Variants in NOL7 observed in about 807,000 individuals in gnomAD.
The protein encoded by NOL7 is nucleolar protein 7.
Under a neutral mutation model 38.4 loss-of-function variants are expected in NOL7, and 36 were observed. That is an observed-to-expected ratio of 0.94 (90% CI 0.72 to 1.24). The LOEUF (loss-of-function observed/expected upper bound fraction) is 1.24, where lower values mean the gene tolerates loss of function less well. NOL7 is among the 50% of genes most tolerant of loss of function. NOL7 has a pLI of 0.00. For synonymous variants in NOL7, 142 were observed against 126.5 expected (o/e 1.12, Z -0.82); for missense variants, 350 against 315.1 (o/e 1.11, Z -0.84).
chr6:13,618,536 C>T (rs1387195263), intron 5 of NOL7, among the ~76,000 whole-genome samples: 3 of 152,236 alleles, frequency 2.0e-5, no homozygotes, highest in Middle Eastern at 3.4e-3. Flanking sequence ...CGTGAGCCAC[C>T]GCGCCCGGCC....
chr6:13,629,562 G>A (rs1764717117), intron 8 of NOL7, among the ~76,000 whole-genome samples: 1 of 152,174 alleles, frequency 6.6e-6, no homozygotes, highest in African/African-American at 2.4e-5. Context: ...ATCTGGAGCA[G>A]TTTCTAAATA....
intron 8 of NOL7, chr6:13,632,248 C>A (rs1764807923): frequency 7.4e-6 from 6 of 815,306 alleles, no homozygotes; most frequent in Non-Finnish European, 1.1e-5. Flanking sequence ...GGCAAGGAGC[C>A]AGGGGGAAGG....
intron 8 of NOL7, among the ~76,000 whole-genome samples, chr6:13,629,794 A>T (rs1183442569): frequency 6.6e-6 from 1 of 152,116 alleles, no homozygotes; most frequent in Non-Finnish European, 1.5e-5. Flanking sequence ...AAGAGGAAAG[A>T]AGACTTTGAA....
chr6:13,625,429 A>C (rs781134459), downstream of NOL7, among the ~76,000 whole-genome samples: 25 of 152,142 alleles, frequency 1.6e-4, no homozygotes, highest in Non-Finnish European at 2.9e-4. Context: ...TCTATTTCCC[A>C]AACATCCCAA....
At chr6:13,624,431 AACAGC>A (rs1271750335), downstream of NOL7, among the ~76,000 whole-genome samples, 1 of 152,182 alleles carries the variant, frequency 6.6e-6, no homozygotes, top group Non-Finnish European at 1.5e-5. Flanking sequence ...TGCAGGGCCA[AACAGC>A]ACAGCACAGA....
chr6:13,631,645 C>G (rs1271837264), intron 8 of NOL7, among the ~76,000 whole-genome samples: 1 of 152,304 alleles, frequency 6.6e-6, no homozygotes, highest in East Asian at 1.9e-4. Context: ...TTCATCTCCC[C>G]TTTAATTTCA....
rs961617346 is a variant in NOL7, at chr6:13,620,160, AAAGT to A, written c.501-44_501-41del. On this transcript the variant is annotated intron_variant, in intron 5 of 7. Transcript: ENST00000451315. ...TCTGTCTCAGGAAGAAAAAAAAAAG[AAAGT>A]AAGCATGTGTAATTCTTATTTAACC... The A allele has an allele frequency of 7.0e-6, 11 of 1,565,244 alleles. No individual in the cohort carries two copies. The African/African-American group carries it at 1.2e-4, about 18-fold the overall frequency.
At chr6:13,625,867 T>C (rs183867651), downstream of NOL7, 1 of 775,160 alleles carries the variant, frequency 1.3e-6, no homozygotes, top group African/African-American at 1.7e-5. Context: ...AGGCACAGAC[T>C]AATAATGTAA....
intron 8 of NOL7, among the ~76,000 whole-genome samples, chr6:13,630,501 A>G (rs2127760683): frequency 6.7e-6 from 1 of 148,266 alleles, no homozygotes; most frequent in African/African-American, 2.5e-5. Context: ...TAGTGTAAAA[A>G]AAGTCTTAAG....
chr6:13,622,796 T>C (rs1480123330), downstream of NOL7, among the ~76,000 whole-genome samples: 1 of 152,240 alleles, frequency 6.6e-6, no homozygotes, highest in Non-Finnish European at 1.5e-5. Flanking sequence ...TTTTATCTGA[T>C]ATTTGGAGTG....
chr6:13,617,154 A>C (rs920478952), intron 3 of NOL7, among the ~76,000 whole-genome samples: 2 of 152,170 alleles, frequency 1.3e-5, no homozygotes, highest in African/African-American at 4.8e-5. Flanking sequence ...CAGATCCTGA[A>C]TACATTAAAC....
chr6:13,623,873 G>C (rs927781526), downstream of NOL7, among the ~76,000 whole-genome samples: 5 of 152,168 alleles, frequency 3.3e-5, no homozygotes, highest in African/African-American at 9.7e-5. Context: ...TGTGTCTATA[G>C]ATAATGGTGC....
intron 8 of NOL7, among the ~76,000 whole-genome samples, chr6:13,630,773 C>T (rs1170505225): frequency 6.6e-6 from 1 of 152,006 alleles, no homozygotes; most frequent in Non-Finnish European, 1.5e-5. Flanking sequence ...GAATACAGCT[C>T]ACCTATTAAA....
At chr6:13,624,425 G>A (rs1289126723), downstream of NOL7, among the ~76,000 whole-genome samples, 1 of 152,106 alleles carries the variant, frequency 6.6e-6, no homozygotes, top group Non-Finnish European at 1.5e-5. Flanking sequence ...GAACCTTGCA[G>A]GGCCAAACAG....
chr6:13,615,987 G>C (rs576280646), intron 2 of NOL7, among the ~76,000 whole-genome samples: 3 of 151,642 alleles, frequency 2.0e-5, no homozygotes, highest in Non-Finnish European at 4.4e-5. Context: ...CTGGAGCCGA[G>C]ATCACACCAC....
chr6:13,622,366 T>C (rs1341851458), downstream of NOL7: 2 of 1,578,020 alleles, frequency 1.3e-6, no homozygotes, highest in Non-Finnish European at 8.6e-7. Context: ...GCATAGCTAA[T>C]GTAGGTAGTC....
At chr6:13,625,675 T>C (rs567798556), downstream of NOL7, 2 of 1,611,168 alleles carry the variant, frequency 1.2e-6, no homozygotes, top group Non-Finnish European at 1.7e-6. Context: ...TGTTAAGAGC[T>C]GAGCACACAG....
downstream of NOL7, among the ~76,000 whole-genome samples, chr6:13,623,130 C>G (rs530233507): frequency 6.6e-6 from 1 of 152,260 alleles, no homozygotes; most frequent in Non-Finnish European, 1.5e-5. Flanking sequence ...TCATAAGTTT[C>G]TTTGTCAGAC....
In NOL7 at chr6:13,620,346, CTA is replaced by C. The variant is rs769822256; in HGVS notation, c.622+19_622+20del. 171 of 1,613,632 alleles carry C rather than the reference CTA, an allele frequency of 1.1e-4. No homozygotes were observed. Among genetic ancestry groups the C allele is most frequent in the Non-Finnish European group, 1.4e-4 (166 of 1,179,900 alleles). ...GGACTACTGGTAATTTTTTTATGGA[CTA>C]TTTTTCTCACTTTTTACTGCAAATA... On this transcript the variant is annotated intron_variant, in intron 6 of 7. Coordinates refer to ENST00000451315, the MANE Select transcript of NOL7 (RefSeq NM_016167.5).
Sources: allele counts gnomAD v4.1 joint callset (sites outside exome capture counted in the v4.1 genomes callset), GRCh38; gene constraint gnomAD v4.1.1; transcripts MANE v1.5; gene names NCBI Gene and HGNC (gene_info 2026-07-23, HGNC 2026-07-21).